TENM4: variants seen among roughly 807,000 people sequenced by gnomAD.
The protein encoded by TENM4 is teneurin-4.
TENM4 carries 82 observed loss-of-function variants against 243.3 expected under a neutral mutation model. That is an observed-to-expected ratio of 0.34 (90% CI 0.28 to 0.40). TENM4 has a LOEUF of 0.40. TENM4 is among the 10% of genes least tolerant of loss of function. The pLI, the probability that TENM4 is intolerant of heterozygous loss-of-function variation, is 1.00. For missense variants in TENM4, 3,138 were observed against 3,673.3 expected, an observed-to-expected ratio of 0.85 and a Z score of 3.77; for synonymous variants, 1,412 against 1,456.3, an observed-to-expected ratio of 0.97 and a Z score of 0.69.
chr11:78,796,514 A>G (rs1046589520), intron 15 of TENM4, among the ~76,000 whole-genome samples: 1 of 152,070 alleles, frequency 6.6e-6, no homozygotes, highest in African/African-American at 2.4e-5. Context: ...ACTCAGTCAT[A>G]AGCTCATCTA....
intron 3 of TENM4, among the ~76,000 whole-genome samples, chr11:79,170,866 G>A (rs1213670810): frequency 6.6e-6 from 1 of 152,182 alleles, no homozygotes; most frequent in African/African-American, 2.4e-5. Flanking sequence ...TTATGCGGGA[G>A]AGGATTGTAT....
chr11:79,110,904 C>T (rs538415866), intron 4 of TENM4, among the ~76,000 whole-genome samples: 1 of 152,314 alleles, frequency 6.6e-6, no homozygotes, highest in South Asian at 2.1e-4. Context: ...AGGGCTAACT[C>T]ATTCACTAAA....
chr11:78,723,869 T>G (rs1322377960), intron 23 of TENM4, among the ~76,000 whole-genome samples: 2 of 152,224 alleles, frequency 1.3e-5, no homozygotes, highest in Non-Finnish European at 2.9e-5. Flanking sequence ...TTTTACGTAC[T>G]CTAATCAATC....
intron 1 of TENM4, among the ~76,000 whole-genome samples, chr11:79,432,748 G>C (rs1355540475): frequency 1.3e-5 from 2 of 152,110 alleles, no homozygotes; most frequent in African/African-American, 4.8e-5. Flanking sequence ...CCCAGAAAAA[G>C]GACCTCTAAA....
At chr11:79,325,353 C>T (rs1197240767) in intron 1 of TENM4, among the ~76,000 whole-genome samples, 1 of 152,198 alleles carries the variant, frequency 6.6e-6, no homozygotes, top group Admixed American at 6.5e-5. Context: ...TTTGAGGGAA[C>T]TTGGAGAAGT....
Position 78,655,060 on chromosome 11 carries a change from T to C in TENM4, c.*2998A>G, listed in dbSNP as rs367948560. 1.3e-5 allele frequency: 2 copies of C among 152,326 alleles called. No homozygotes were observed. The highest frequency in any genetic ancestry group is 4.8e-5 in the African/African-American group (2 of 41,552). The allele number at this position is 152,326 out of a possible 1,614,324, so 9.4% of individuals were successfully genotyped here. A position where few individuals can be genotyped will look rare whatever the true frequency, so the allele number is the denominator to read the frequency against. ...GTCCTCTCAGGATGGGAGTCGATGC[T>C]TGGAGCCTATTACATAGGCACAGGG... On this transcript the variant is annotated 3_prime_UTR_variant, in exon 34 of 34. Coordinates refer to ENST00000278550, the MANE Select transcript of TENM4 (RefSeq NM_001098816.3).
In TENM4 at chr11:78,814,389, A is replaced by G. The variant is rs1474570861; in HGVS notation, c.1688T>C (p.Val563Ala). 2 of 1,549,248 alleles carry G rather than the reference A, an allele frequency of 1.3e-6. No individual in the cohort carries two copies. ...VSFLTTAIES[V>A]DNCPSNCYGN... is the part of the protein sequence containing the mutation. ...ATAGCAGTTGCTGGGGCAGTTATCCACCGACTCTGGGGAGAGAAAGGAGAA... is the reference window on the plus strand; with the variant it reads ...ATAGCAGTTGCTGGGGCAGTTATCCGCCGACTCTGGGGAGAGAAAGGAGAA... Residue 563 changes from valine to alanine, a missense_variant, in exon 13 of 34, where the codon GTG becomes GCG. Val to Ala is a moderately conservative substitution (Grantham distance 64). This residue lies in a region of TENM4 where 2,467 missense variants were observed against 3,059.1 expected (regional missense o/e 0.81). Coordinates refer to ENST00000278550, the MANE Select transcript of TENM4 (RefSeq NM_001098816.3).
At chr11:79,348,296 G>A (rs1471969593) in intron 1 of TENM4, among the ~76,000 whole-genome samples, 1 of 152,108 alleles carries the variant, frequency 6.6e-6, no homozygotes, top group Non-Finnish European at 1.5e-5. Context: ...GTGCCCAACT[G>A]TATGGAGGTG....
rs1859306618 is a variant in TENM4, at chr11:78,708,364, G to C, written c.4206C>G (p.Ser1402=). 1.2e-6 allele frequency: 2 copies of C among 1,613,858 alleles called. No individual in the cohort carries two copies. The highest frequency in any genetic ancestry group is 1.1e-5 in the South Asian group (1 of 91,068). The change falls in exon 27 of 34, where the codon TCC becomes TCG. Residue 1402 remains serine, a synonymous_variant. Transcript: ENST00000278550. ...TTGGTAGATGAAGCCATCTTACCTG[G>C]GAAATATCCATGACAGAATCACAGC... is the stretch of plus-strand genomic sequence containing the variant. The part of the protein sequence containing the change: ...PLSCDSVMDI[S]QVHLEWPTDL...
At chr11:78,716,770 A>G (rs1315859140) in intron 25 of TENM4, among the ~76,000 whole-genome samples, 1 of 152,210 alleles carries the variant, frequency 6.6e-6, no homozygotes, top group Non-Finnish European at 1.5e-5. Flanking sequence ...TGCCACCTGG[A>G]GCCCTTGCTA....
chr11:78,819,186 C>G (rs558925623), intron 12 of TENM4, among the ~76,000 whole-genome samples: 23 of 152,250 alleles, frequency 1.5e-4, no homozygotes, highest in Admixed American at 6.5e-4. Flanking sequence ...GAGTCAGGAA[C>G]CCACAGAGGC....
At chr11:79,025,750 G>A (rs990475995) in intron 6 of TENM4, among the ~76,000 whole-genome samples, 6 of 152,130 alleles carry the variant, frequency 3.9e-5, no homozygotes, top group Admixed American at 3.9e-4. Context: ...GCTTGGAGTG[G>A]GATGTCCTAA....
intron 6 of TENM4, among the ~76,000 whole-genome samples, chr11:78,995,213 G>T (rs545569328): frequency 6.6e-6 from 1 of 152,144 alleles, no homozygotes; most frequent in Admixed American, 6.5e-5. Flanking sequence ...GAGACACACC[G>T]TACCGGCTGA....
chr11:78,826,076 C>CTTTTT (rs59565048), intron 12 of TENM4, among the ~76,000 whole-genome samples: 8 of 115,406 alleles, frequency 6.9e-5, no homozygotes, highest in Non-Finnish European at 1.0e-4. Context: ...AATCCCCCTC[C>CTTTTT]TTTTTTTTTT....
At chr11:78,886,460 C>G (rs374183944) in intron 9 of TENM4, among the ~76,000 whole-genome samples, 169 of 152,344 alleles carry the variant, frequency 1.1e-3, no homozygotes, top group African/African-American at 3.9e-3. Context: ...GCTGCTACCC[C>G]CTAGCTTGTG....
intron 6 of TENM4, among the ~76,000 whole-genome samples, chr11:78,999,436 A>G (rs745362440): frequency 6.6e-6 from 1 of 152,034 alleles, no homozygotes; most frequent in Non-Finnish European, 1.5e-5. Context: ...GAATGGCATG[A>G]ACCCGGGAGA....
intron 6 of TENM4, among the ~76,000 whole-genome samples, chr11:79,033,145 C>T (rs980338028): frequency 6.6e-6 from 1 of 152,064 alleles, no homozygotes; most frequent in Non-Finnish European, 1.5e-5. Flanking sequence ...GATATCTATG[C>T]AAAGACCCCA....
intron 6 of TENM4, among the ~76,000 whole-genome samples, chr11:78,982,856 C>T (rs754698700): frequency 7.2e-5 from 11 of 152,186 alleles, no homozygotes; most frequent in Non-Finnish European, 1.6e-4. Flanking sequence ...GATGCTCTGG[C>T]AAAGTCTCTG....
chr11:78,690,428 G>T (rs1565333664), intron 28 of TENM4, among the ~76,000 whole-genome samples: 1 of 152,170 alleles, frequency 6.6e-6, no homozygotes, highest in Non-Finnish European at 1.5e-5. Flanking sequence ...AATTACAGGT[G>T]ATTTGAATTG....
Sources: allele counts gnomAD v4.1 joint callset (sites outside exome capture counted in the v4.1 genomes callset), GRCh38; gene constraint gnomAD v4.1.1; regional missense constraint gnomAD v4.1.1; transcripts MANE v1.5; gene names NCBI Gene and HGNC (gene_info 2026-07-23, HGNC 2026-07-21).